Variants in CLNK observed in about 807,000 individuals in gnomAD.
CLNK encodes the protein cytokine-dependent hematopoietic cell linker.
Under a neutral mutation model 68.6 loss-of-function variants are expected in CLNK, and 74 were observed. That is an observed-to-expected ratio of 1.08 (90% CI 0.89 to 1.31). CLNK has a LOEUF of 1.31. CLNK is among the 50% of genes most tolerant of loss of function. CLNK has a pLI of 0.00. For missense variants in CLNK, 553 were observed against 515.3 expected (o/e 1.07, Z -0.71); for synonymous variants, 198 against 172.2 (o/e 1.15, Z -1.17).
chr4:10,531,903 G>A, intron 12 of CLNK: 1 of 485,724 alleles, frequency 2.1e-6, no homozygotes, highest in Non-Finnish European at 4.0e-6. Flanking sequence ...TTCTTATGAA[G>A]GACAAATAGC....
chr4:10,513,429 A>C (rs1462523742), intron 16 of CLNK, 35 bp downstream of exon 16: 2 of 1,592,982 alleles, frequency 1.3e-6, no homozygotes, highest in Non-Finnish European at 1.7e-6. Context: ...TGCCAAGTAC[A>C]TCTAGAAGGA....
intron 8 of CLNK, among the ~76,000 whole-genome samples, chr4:10,551,848 ATTT>A (rs201336299): frequency 2.1e-5 from 3 of 140,596 alleles, no homozygotes; most frequent in Admixed American, 7.1e-5. Context: ...GAGAATTGTA[ATTT>A]TTTTTTTTTT....
intron 16 of CLNK, among the ~76,000 whole-genome samples, chr4:10,509,285 A>T (rs1717461789): frequency 6.6e-6 from 1 of 152,236 alleles, no homozygotes; most frequent in Non-Finnish European, 1.5e-5. Context: ...ACACCACATG[A>T]TCTGATGTGA....
intron 8 of CLNK, among the ~76,000 whole-genome samples, chr4:10,551,576 C>A (rs1196030033): frequency 6.6e-6 from 1 of 151,856 alleles, no homozygotes; most frequent in African/African-American, 2.4e-5. Context: ...CCTGTAATAC[C>A]CTTTAACTAT....
intron 16 of CLNK, 53 bp downstream of exon 16, chr4:10,513,411 T>C: frequency 6.4e-7 from 1 of 1,555,380 alleles, no homozygotes; most frequent in South Asian, 1.2e-5. Flanking sequence ...AGGAAAGCTC[T>C]ATTTAGATGC....
intron 3 of CLNK, among the ~76,000 whole-genome samples, chr4:10,587,402 C>T (rs1218890181): frequency 6.6e-6 from 1 of 152,218 alleles, no homozygotes; most frequent in East Asian, 1.9e-4. Flanking sequence ...GATGCTACTT[C>T]GGTGAGCTTA....
chr4:10,669,637 T>C (rs1172612766), intron 1 of CLNK, among the ~76,000 whole-genome samples: 1 of 152,158 alleles, frequency 6.6e-6, no homozygotes, highest in African/African-American at 2.4e-5. Context: ...TGCTAAGGGA[T>C]GGGATCTGAA....
At chr4:10,725,565 C>A in the CLNK span, among the ~76,000 whole-genome samples, 2 of 152,024 alleles carry the variant, frequency 1.3e-5, no homozygotes, top group Non-Finnish European at 2.9e-5. Context: ...CCCTCCCCAG[C>A]GAAAAACACA....
rs1718970322 is a variant in CLNK, at chr4:10,540,523, GT to G, written c.572del (p.His191ProfsTer13). On this transcript the variant is annotated frameshift_variant, in exon 11 of 19. Coordinates refer to ENST00000226951, the MANE Select transcript of CLNK (RefSeq NM_052964.4). LOFTEE classifies it high-confidence loss of function. ...GCATTCTCTGGACTTCTGGAAAGGTGTGTCTCTGAGATAAAGGTGGCCTGCT... is the reference window on the plus strand; with the variant it reads ...GCATTCTCTGGACTTCTGGAAAGGTGGTCTCTGAGATAAAGGTGGCCTGCT... ...ESSRPPLSQR[H>X]TFPEVQRMPS... 6.2e-7 allele frequency: 1 copy of G among 1,613,632 alleles called. No individual in the cohort carries two copies.
At chr4:10,564,918 G>T in intron 6 of CLNK, 141 bp from the exon 7 acceptor site, 1 of 641,092 alleles carries the variant, frequency 1.6e-6, no homozygotes, top group Non-Finnish European at 2.8e-6. Flanking sequence ...ATTTAACAGA[G>T]TAGGAGACTG....
chr4:10,537,598 T>G (rs763428817), intron 11 of CLNK, among the ~76,000 whole-genome samples: 15 of 151,942 alleles, frequency 9.9e-5, no homozygotes, highest in Non-Finnish European at 2.1e-4. Flanking sequence ...CCTCCCTCCC[T>G]GTCTTTCTCC....
At chr4:10,494,651 G>A (rs1037678265) in intron 18 of CLNK, among the ~76,000 whole-genome samples, 1 of 152,084 alleles carries the variant, frequency 6.6e-6, no homozygotes, top group Non-Finnish European at 1.5e-5. Context: ...TAGAGACAGG[G>A]TTTCATCATA....
At chr4:10,503,772 CTTTTTTTTTT>C (rs869102696) in intron 17 of CLNK, among the ~76,000 whole-genome samples, 1 of 63,288 alleles carries the variant, frequency 1.6e-5, no homozygotes, top group African/African-American at 5.6e-5. Context: ...CATTTAGAGA[CTTTTTTTTTT>C]TTTTTTTTTT....
At chr4:10,691,139 G>T in the CLNK span, among the ~76,000 whole-genome samples, 7 of 152,208 alleles carry the variant, frequency 4.6e-5, no homozygotes, top group African/African-American at 1.4e-4. Context: ...TTCCAAGGAA[G>T]AATTAGCTTT....
the CLNK span, among the ~76,000 whole-genome samples, chr4:10,709,917 A>G: frequency 1.3e-5 from 2 of 152,182 alleles, no homozygotes; most frequent in African/African-American, 4.8e-5. Flanking sequence ...CTGATGCAGG[A>G]GGGATCCCAG....
At chr4:10,633,847 G>C (rs1217760331) in intron 2 of CLNK, among the ~76,000 whole-genome samples, 2 of 152,172 alleles carry the variant, frequency 1.3e-5, no homozygotes, top group South Asian at 2.1e-4. Context: ...CCCTATATCA[G>C]CCCTTTGTGG....
chr4:10,527,479 G>T (rs1718363854), intron 13 of CLNK, among the ~76,000 whole-genome samples: 1 of 152,232 alleles, frequency 6.6e-6, no homozygotes, highest in Admixed American at 6.5e-5. Context: ...GAACGATGCT[G>T]TCTTTTGTGA....
chr4:10,582,014 G>A (rs4422412), intron 4 of CLNK, among the ~76,000 whole-genome samples: 6,194 of 151,960 alleles, frequency 0.041, 187 homozygotes, highest in Middle Eastern at 0.096. Flanking sequence ...CCCTAACATG[G>A]GCTAGAAAAT....
chr4:10,667,682 C>G (rs1724453319), intron 2 of CLNK, among the ~76,000 whole-genome samples, 177 bp downstream of exon 2: 2 of 90,358 alleles, frequency 2.2e-5, no homozygotes, highest in South Asian at 7.6e-4. Flanking sequence ...AATGCTGCTA[C>G]TGGAAAGAGG....
Sources: gnomAD v4.1 joint callset for allele counts (sites outside exome capture counted in the v4.1 genomes callset) on GRCh38, gnomAD v4.1.1 for gene constraint, MANE v1.5 for transcripts, NCBI Gene and HGNC (gene_info 2026-07-23, HGNC 2026-07-21) for gene names.